Variants in KCNQ1 observed in about 807,000 individuals in gnomAD.
KCNQ1 encodes potassium voltage-gated channel subfamily Q member 1, also known as potassium voltage-gated channel subfamily KQT member 1.
In KCNQ1, 49 loss-of-function variants were observed where a neutral mutation model predicts 72.4. The ratio of observed to expected loss-of-function variants is 0.68; its 90% CI spans 0.54 to 0.86. The LOEUF is 0.86. Among genes scored for constraint, KCNQ1 ranks in the 40% least tolerant of loss-of-function variants. KCNQ1 has a pLI of 0.00. For synonymous variants in KCNQ1, 450 were observed against 412.6 expected, an observed-to-expected ratio of 1.09 and a Z score of -1.10; for missense variants, 790 against 945.1, an observed-to-expected ratio of 0.84 and a Z score of 2.15.
intron 15 of KCNQ1, among the ~76,000 whole-genome samples, chr11:2,823,187 G>A (rs1847772782): frequency 6.6e-6 from 1 of 152,096 alleles, no homozygotes; most frequent in Non-Finnish European, 1.5e-5. Context: ...CAACATTCTA[G>A]AATCTTCTCA....
rs1252232957 is a variant in KCNQ1, at chr11:2,600,146, T to C, written c.1393+11292T>C. ...TTGAAATCTAGTGCCGGATAATTCT[T>C]TGTTGAGGGAGGAAGTCCTGTCTAT... On this transcript the variant is annotated intron_variant, in intron 10 of 15. Coordinates refer to ENST00000155840, the MANE Select transcript of KCNQ1 (RefSeq NM_000218.3). This position sits in a 1 kb window ranked among gnomAD's most constrained non-coding sequence, Gnocchi z 5.6. Among the ~76,000 whole-genome samples the C allele has an allele frequency of 6.6e-6, 1 of 152,124 alleles. No individual in the cohort carries two copies. Among genetic ancestry groups the C allele is most frequent in the Non-Finnish European group, 1.5e-5 (1 of 68,016 alleles).
chr11:2,557,022 C>T (rs556605179), intron 2 of KCNQ1, among the ~76,000 whole-genome samples: 8 of 152,310 alleles, frequency 5.3e-5, no homozygotes, highest in South Asian at 4.1e-4. Context: ...CAGAGAAGGC[C>T]GTGCCGTAGC....
chr11:2,470,006 A>G (rs1846419887), intron 1 of KCNQ1, among the ~76,000 whole-genome samples: 1 of 152,032 alleles, frequency 6.6e-6, no homozygotes, highest in Non-Finnish European at 1.5e-5. Context: ...TCTGTCGCCC[A>G]GGTTGAAGTG....
In KCNQ1 at chr11:2,711,228, A is replaced by G. The variant is rs1200817244; in HGVS notation, c.1514+49147A>G. On this transcript the variant is annotated intron_variant, in intron 11 of 15. Coordinates refer to ENST00000155840, the MANE Select transcript of KCNQ1 (RefSeq NM_000218.3). This position sits in a 1 kb window ranked among gnomAD's most constrained non-coding sequence, Gnocchi z 5.4. ...AGGGTTTTGTGTGACAGTGACTGGCAGCCATACTTCCTCCCCATGTACTGG... is the reference window on the plus strand; with the variant it reads ...AGGGTTTTGTGTGACAGTGACTGGCGGCCATACTTCCTCCCCATGTACTGG... Among the ~76,000 whole-genome samples the G allele has an allele frequency of 6.6e-6, 1 of 152,232 alleles. No homozygotes were observed. Among genetic ancestry groups the G allele is most frequent in the African/African-American group, 2.4e-5 (1 of 41,446 alleles).
At chr11:2,609,272 T>G (rs1043788230) in intron 10 of KCNQ1, 3 of 398,244 alleles carry the variant, frequency 7.5e-6, no homozygotes, top group African/African-American at 6.2e-5. Context: ...TGTGAATTCT[T>G]TCACCCATTG....
chr11:2,559,084 C>T lies in KCNQ1; in HGVS notation c.478-11544C>T, dbSNP rs1273743805. Among the ~76,000 whole-genome samples, 3 of 152,050 alleles carry T rather than the reference C, an allele frequency of 2.0e-5. No individual in the cohort carries two copies. The highest frequency in any genetic ancestry group is 6.5e-5 in the Admixed American group (1 of 15,272). ...AGGGGCAAGGTGGGGCTGGAGGCAC[C>T]GGCTCAGCAAGAGGGGTCACTTGAG... On this transcript the variant is annotated intron_variant, in intron 2 of 15. Coordinates refer to ENST00000155840, the MANE Select transcript of KCNQ1 (RefSeq NM_000218.3). The surrounding 1 kb of genome is among the most constrained non-coding windows in gnomAD (Gnocchi z 4.9).
rs577417196 is a variant in KCNQ1, at chr11:2,734,580, C to A, written c.1515-34264C>A. Among the ~76,000 whole-genome samples the A allele has an allele frequency of 6.6e-6, 1 of 151,018 alleles. No individual in the cohort carries two copies. The highest frequency in any genetic ancestry group is 2.0e-4 in the East Asian group (1 of 5,094). On this transcript the variant is annotated intron_variant, in intron 11 of 15. Coordinates refer to ENST00000155840, the MANE Select transcript of KCNQ1 (RefSeq NM_000218.3). The surrounding 1 kb of genome is among the most constrained non-coding windows in gnomAD (Gnocchi z 7.0). ...GAGGCTGATCTCAGGATGCTTGCTG[C>A]GGCTGCTGGGTGGGGGATAACAGGG...
At chr11:2,693,944 T>G (rs371704240) in intron 11 of KCNQ1, 2 of 398,580 alleles carry the variant, frequency 5.0e-6, no homozygotes, top group Non-Finnish European at 8.8e-6. Context: ...TGAGAACCAC[T>G]CATTCATCAG....
At position 2,685,095 on chromosome 11, in the gene KCNQ1, G is replaced by A. The variant is rs77639468; in HGVS notation, c.1514+23014G>A. On this transcript the variant is annotated intron_variant, in intron 11 of 15. Transcript: ENST00000155840. ...GTGAGAATTACAGATTCCAGGGAAG[G>A]GGCCCTTTTGGCACGGGGGGTCTGA... is the stretch of plus-strand genomic sequence containing the variant. 1.9e-3 allele frequency: 762 copies of A among 398,660 alleles called. 6 individuals carry two copies. In the East Asian group the frequency reaches 0.026, roughly 14 times the overall value. 24.7% of individuals were successfully genotyped at this position (398,660 alleles called of 1,614,324 possible). A position where few individuals can be genotyped will look rare whatever the true frequency, so the allele number is the denominator to read the frequency against.
In KCNQ1 at chr11:2,622,783, C is replaced by T. The variant is rs560574378; in HGVS notation, c.1393+33929C>T. ...TTGAGAGGTAAGTACAGAGATTTCCCGTATACCCACTGCACCCATACATAC... is the reference window on the plus strand; with the variant it reads ...TTGAGAGGTAAGTACAGAGATTTCCTGTATACCCACTGCACCCATACATAC... On this transcript the variant is annotated intron_variant, in intron 10 of 15. Transcript: ENST00000155840. 4.4e-3 allele frequency: 1,762 copies of T among 398,526 alleles called. 4 individuals are homozygous for T. Among genetic ancestry groups the T allele is most frequent in the Non-Finnish European group, 6.0e-3 (1,354 of 226,062 alleles). The allele number at this position is 398,526 out of a possible 1,614,324, so 24.7% of individuals were successfully genotyped here. A position where few individuals can be genotyped will look rare whatever the true frequency, so the allele number is the denominator to read the frequency against.
At position 2,563,871 on chromosome 11, in the gene KCNQ1, C is replaced by G. The variant is rs945920535; in HGVS notation, c.478-6757C>G. Among the ~76,000 whole-genome samples, 1 of 152,222 alleles carries G rather than the reference C, an allele frequency of 6.6e-6. No homozygotes were observed. The highest frequency in any genetic ancestry group is 2.4e-5 in the African/African-American group (1 of 41,454). ...CAATTGACAAATGGCTTGTGCTTAG[C>G]TATTTCGTTGAATGCTGAACTAACA... On this transcript the variant is annotated intron_variant, in intron 2 of 15. Transcript: ENST00000155840. This position sits in a 1 kb window ranked among gnomAD's most constrained non-coding sequence, Gnocchi z 7.4.
At chr11:2,609,932 A>G (rs1848951081) in intron 10 of KCNQ1, 1 of 397,924 alleles carries the variant, frequency 2.5e-6, no homozygotes, top group African/African-American at 2.1e-5. Context: ...TATAGATGGA[A>G]TACAGATGGA....
chr11:2,683,067 A>C lies in KCNQ1; in HGVS notation c.1514+20986A>C. 1 of 398,690 alleles carries C rather than the reference A, an allele frequency of 2.5e-6. No homozygotes were observed. The highest frequency in any genetic ancestry group is 6.3e-4 in the Middle Eastern group (1 of 1,590). The allele number at this position is 398,690 out of a possible 1,614,324, so 24.7% of individuals were successfully genotyped here. On this transcript the variant is annotated intron_variant, in intron 11 of 15. Coordinates refer to ENST00000155840, the MANE Select transcript of KCNQ1 (RefSeq NM_000218.3). This position sits in a 1 kb window ranked among gnomAD's most constrained non-coding sequence, Gnocchi z 4.7. ...ACTTCTTACAGGCAAGGCTCTTGCT[A>C]GCCTGAGGACCAGGAGCCTTCAGAT...
intron 15 of KCNQ1, among the ~76,000 whole-genome samples, chr11:2,821,237 G>A (rs1370209603): frequency 6.6e-6 from 1 of 152,218 alleles, no homozygotes; most frequent in Non-Finnish European, 1.5e-5. Flanking sequence ...CCGTTTCCTC[G>A]CCTCTCAGCT....
chr11:2,751,465 C>A (rs1846223995), intron 11 of KCNQ1, among the ~76,000 whole-genome samples: 1 of 152,242 alleles, frequency 6.6e-6, no homozygotes, highest in East Asian at 1.9e-4. Context: ...CCCCAGGAAA[C>A]CCTCTCTCCT....
At chr11:2,730,422 G>T (rs1845835063) in intron 11 of KCNQ1, among the ~76,000 whole-genome samples, 1 of 152,212 alleles carries the variant, frequency 6.6e-6, no homozygotes, top group African/African-American at 2.4e-5. Flanking sequence ...AGCTCAAAGG[G>T]AGGCCCCACC....
rs1848999631 is a variant in KCNQ1 at position 2,612,632 on chromosome 11, T to G, written c.1393+23778T>G. ...ATATTGATATTATCTATTTGATGAGTCTTTGTCATCACACTTGCATTCTTT... is the reference window on the plus strand; with the variant it reads ...ATATTGATATTATCTATTTGATGAGGCTTTGTCATCACACTTGCATTCTTT... On this transcript the variant is annotated intron_variant, in intron 10 of 15. Transcript: ENST00000155840. The surrounding 1 kb of genome is among the most constrained non-coding windows in gnomAD (Gnocchi z 5.5). The G allele has an allele frequency of 1.0e-5, 4 of 398,432 alleles. No homozygotes were observed. Among genetic ancestry groups the G allele is most frequent in the African/African-American group, 8.2e-5 (4 of 48,620 alleles). 24.7% of individuals were successfully genotyped at this position (398,432 alleles called of 1,614,324 possible). A position where few individuals can be genotyped will look rare whatever the true frequency, so the allele number is the denominator to read the frequency against.
At chr11:2,535,969 G>A (rs536609845) in intron 2 of KCNQ1, among the ~76,000 whole-genome samples, 1 of 152,152 alleles carries the variant, frequency 6.6e-6, no homozygotes, top group Non-Finnish European at 1.5e-5. Flanking sequence ...CACAGTCTCA[G>A]AGCCTGAGGC....
At chr11:2,513,599 T>C (rs549933228) in intron 1 of KCNQ1, among the ~76,000 whole-genome samples, 98 of 152,306 alleles carry the variant, frequency 6.4e-4, no homozygotes, top group Middle Eastern at 6.8e-3. Flanking sequence ...TGGGGCCTAC[T>C]GGGAGAGACA....
Sources: gnomAD v4.1 joint callset for allele counts (sites outside exome capture counted in the v4.1 genomes callset) on GRCh38, gnomAD v4.1.1 for gene constraint, Gnocchi (gnomAD v3.1) non-coding constraint, MANE v1.5 for transcripts, NCBI Gene and HGNC (gene_info 2026-07-23, HGNC 2026-07-21) for gene names.